Variants in CENPS observed in about 807,000 individuals in gnomAD.
CENPS encodes FANCM associated histone fold protein 1.
CENPS carries 16 observed loss-of-function variants against 17.9 expected under a neutral mutation model. The observed-to-expected ratio is 0.90, with a 90% CI of 0.61 to 1.36. The LOEUF is 1.36. Among genes scored for constraint, CENPS ranks in the 40% most tolerant of loss-of-function variants. CENPS has a pLI of 0.00. For synonymous variants in CENPS, 49 were observed against 55.8 expected (o/e 0.88, Z 0.54); for missense variants, 160 against 158.6 (o/e 1.01, Z -0.05).
intron 4 of CENPS, among the ~76,000 whole-genome samples, chr1:10,440,913 G>A (rs1640378488): frequency 6.6e-6 from 1 of 152,252 alleles, no homozygotes; most frequent in Non-Finnish European, 1.5e-5. Flanking sequence ...GCTTTGGCCA[G>A]TAGCAGAGCC....
In CENPS at chr1:10,433,766, T is replaced by G. The variant is rs1640027299; in HGVS notation, c.52-76T>G. On this transcript the variant is annotated intron_variant, in intron 1 of 4. Coordinates refer to ENST00000309048, the MANE Select transcript of CENPS (RefSeq NM_199294.3). The stretch of plus-strand genomic sequence containing the variant: ...GATTGGGCTGAGCAGACCCTCTCCT[T>G]GGTCTTCATTTTTTAAGGCGTGAAA... The G allele has an allele frequency of 1.9e-6, 3 of 1,597,928 alleles. No individual in the cohort carries two copies. In the South Asian group the frequency reaches 3.4e-5, roughly 18 times the overall value.
intron 1 of CENPS, chr1:10,431,174 C>T (rs1373005048): frequency 6.8e-7 from 1 of 1,466,072 alleles, no homozygotes; most frequent in South Asian, 1.4e-5. Context: ...CCATTCGTTC[C>T]TTTCATCAGC....
chr1:10,430,625 C>A (rs1228280773), intron 1 of CENPS, 57 bp downstream of exon 1: 2 of 1,506,154 alleles, frequency 1.3e-6, no homozygotes, highest in Admixed American at 2.2e-5. Flanking sequence ...AGTTTCTGGA[C>A]AGAAAAGTAC....
chr1:10,442,293 A>C lies in CENPS; in HGVS notation c.305A>C (p.Glu102Ala). ...LLKYITDKSE[E>A]IAQINLERKA... ...AAATACATCACAGACAAAAGTGAAG[A>C]GATTGCTCAGATTAACCTAGAACGA... Residue 102 changes from glutamate to alanine, a missense_variant, in exon 5 of 5, where the codon GAG becomes GCG. By Grantham distance (107) the Glu-to-Ala change is moderately radical. Coordinates refer to ENST00000309048, the MANE Select transcript of CENPS (RefSeq NM_199294.3). 6.3e-7 allele frequency: 1 copy of C among 1,597,676 alleles called. No homozygotes were observed. The highest frequency in any genetic ancestry group is 8.5e-7 in the Non-Finnish European group (1 of 1,176,208).
intron 1 of CENPS, chr1:10,430,991 G>C (rs1298703258): frequency 7.8e-7 from 1 of 1,282,260 alleles, no homozygotes; most frequent in African/African-American, 1.5e-5. Context: ...TCGACCCCTC[G>C]TTACTGATGC....
In CENPS at chr1:10,442,248, A is replaced by G; in HGVS notation, c.277-17A>G. The G allele has an allele frequency of 6.8e-7, 1 of 1,460,644 alleles. No individual in the cohort carries two copies. Among genetic ancestry groups the G allele is most frequent in the South Asian group, 1.2e-5 (1 of 80,246 alleles). 90.5% of individuals were successfully genotyped at this position (1,460,644 alleles called of 1,614,324 possible). On this transcript the variant is annotated splice_polypyrimidine_tract_variant and intron_variant, in intron 4 of 4. Transcript: ENST00000309048. The stretch of plus-strand genomic sequence containing the variant: ...AATGGTTACAGCCAGATATAAATAC[A>G]GATTTTTTTTTTATAGCTAAAATAC...
chr1:10,430,830 G>A, intron 1 of CENPS: 1 of 1,342,240 alleles, frequency 7.5e-7, no homozygotes, highest in Non-Finnish European at 9.5e-7. Context: ...GGCGGCGAGA[G>A]GCCACCTTCT....
intron 1 of CENPS, chr1:10,431,181 C>T (rs1639896168): frequency 2.0e-6 from 3 of 1,474,968 alleles, no homozygotes; most frequent in Admixed American, 4.8e-5. Context: ...TTCCTTTCAT[C>T]AGCGCCGGGC....
At chr1:10,433,313 G>T (rs1045543554) in intron 1 of CENPS, among the ~76,000 whole-genome samples, 3 of 152,184 alleles carry the variant, frequency 2.0e-5, no homozygotes, top group African/African-American at 7.2e-5. Context: ...CCTCCAAATC[G>T]AGAGGGGTGG....
At chr1:10,436,996 C>T (rs954691994) in intron 3 of CENPS, among the ~76,000 whole-genome samples, 3 of 152,058 alleles carry the variant, frequency 2.0e-5, no homozygotes, top group African/African-American at 4.8e-5. Flanking sequence ...TTGAGTTGTC[C>T]CTGTCACACT....
rs1304289898 is a variant in CENPS, at chr1:10,430,525, A to G, written c.8A>G (p.Glu3Gly). 1.3e-6 allele frequency: 2 copies of G among 1,537,534 alleles called. No individual in the cohort carries two copies. The highest frequency in any genetic ancestry group is 2.5e-5 in the East Asian group (1 of 39,248). The change falls in exon 1 of 5, where the codon GAG (glutamate) becomes GGG (glycine). Residue 3 changes from glutamate (E) to glycine (G), a missense_variant. Coordinates refer to ENST00000309048, the MANE Select transcript of CENPS (RefSeq NM_199294.3). ...CAGGGTCGGCCCGCAGTGATGGAGG[A>G]GGAGGCGGAGACCGAGGAGCAGCAG... ME[E>G]EAETEEQQRF... is the part of the protein sequence containing the mutation.
chr1:10,442,273 C>T lies in CENPS; in HGVS notation c.285C>T (p.Tyr95=). The T allele has an allele frequency of 3.2e-6, 5 of 1,580,404 alleles. No individual in the cohort carries two copies. The highest frequency in any genetic ancestry group is 1.4e-5 in the African/African-American group (1 of 72,424). ...AGATTTTTTTTTTATAGCTAAAATA[C>T]ATCACAGACAAAAGTGAAGAGATTG... is the stretch of plus-strand genomic sequence containing the variant. ...LARRSNSLLK[Y]ITDKSEEIAQ... Residue 95 remains tyrosine, a synonymous_variant, in exon 5 of 5, where the codon TAC becomes TAT. Transcript: ENST00000309048.
At chr1:10,442,060 C>G (rs1220873406) in intron 4 of CENPS, among the ~76,000 whole-genome samples, 1 of 151,368 alleles carries the variant, frequency 6.6e-6, no homozygotes, top group African/African-American at 2.4e-5. Context: ...CATAGTGAGA[C>G]CCTCATATCT....
chr1:10,439,695 C>T (rs1298363815), intron 3 of CENPS, among the ~76,000 whole-genome samples: 3 of 151,860 alleles, frequency 2.0e-5, no homozygotes, highest in East Asian at 3.9e-4. Flanking sequence ...GAGCCAAGAT[C>T]GTGCCACTGC....
In CENPS at chr1:10,430,526, G is replaced by A. The variant is rs1639851441; in HGVS notation, c.9G>A (p.Glu3=). The A allele has an allele frequency of 1.9e-6, 3 of 1,538,826 alleles. No individual in the cohort carries two copies. The African/African-American group carries it at 4.2e-5, about 22-fold the overall frequency. The change falls in exon 1 of 5, where the codon GAG becomes GAA. Residue 3 remains glutamate, a synonymous_variant. Coordinates refer to ENST00000309048, the MANE Select transcript of CENPS (RefSeq NM_199294.3). ME[E]EAETEEQQRF... ...AGGGTCGGCCCGCAGTGATGGAGGA[G>A]GAGGCGGAGACCGAGGAGCAGCAGC...
intron 3 of CENPS, among the ~76,000 whole-genome samples, chr1:10,439,373 T>A (rs1440984540): frequency 6.6e-6 from 1 of 152,196 alleles, no homozygotes; most frequent in Non-Finnish European, 1.5e-5. Flanking sequence ...TATCTCAAAT[T>A]ACCTTTCCTA....
chr1:10,439,156 A>G (rs971962745), intron 3 of CENPS, among the ~76,000 whole-genome samples: 4 of 152,242 alleles, frequency 2.6e-5, no homozygotes, highest in African/African-American at 9.6e-5. Context: ...TGGCCAAATT[A>G]TGGAGAATAA....
At chr1:10,431,126 C>T (rs1251365875) in intron 1 of CENPS, 1 of 1,422,752 alleles carries the variant, frequency 7.0e-7, no homozygotes, top group East Asian at 2.6e-5. Flanking sequence ...GCAAAATCGT[C>T]ATAAGAATAA....
At chr1:10,433,280 C>G (rs1459464504) in intron 1 of CENPS, among the ~76,000 whole-genome samples, 1 of 152,142 alleles carries the variant, frequency 6.6e-6, no homozygotes, top group African/African-American at 2.4e-5. Flanking sequence ...GCAGTGAGGG[C>G]CCCGTGGAGG....
Sources: allele counts gnomAD v4.1 joint callset (sites outside exome capture counted in the v4.1 genomes callset), GRCh38; gene constraint gnomAD v4.1.1; transcripts MANE v1.5; gene names NCBI Gene and HGNC (gene_info 2026-07-23, HGNC 2026-07-21).